The following NCKAP5 variants were observed in gnomAD, a reference collection of about 807,000 sequenced individuals.
NCKAP5 encodes the protein nck-associated protein 5.
Under a neutral mutation model 167.0 loss-of-function variants are expected in NCKAP5, and 92 were observed. The observed-to-expected ratio is 0.55, with a 90% CI of 0.47 to 0.66. NCKAP5 has a LOEUF of 0.66. Among genes scored for constraint, NCKAP5 ranks in the 30% least tolerant of loss-of-function variants. NCKAP5 has a pLI of 0.00. For missense variants in NCKAP5, 2,378 were observed against 2,315.0 expected, an observed-to-expected ratio of 1.03 and a Z score of -0.56; for synonymous variants, 891 against 877.4, an observed-to-expected ratio of 1.02 and a Z score of -0.27.
chr2:132,798,628 G>A (rs764062218), intron 11 of NCKAP5, among the ~76,000 whole-genome samples: 4 of 152,138 alleles, frequency 2.6e-5, no homozygotes, highest in Admixed American at 6.6e-5. Context: ...ATGAATATAT[G>A]CATCTAAAAA....
intron 3 of NCKAP5, among the ~76,000 whole-genome samples, chr2:133,368,632 C>T (rs1025871948): frequency 2.0e-5 from 3 of 152,210 alleles, no homozygotes; most frequent in African/African-American, 7.2e-5. Flanking sequence ...TGCATCCTCT[C>T]CATTTCTCCA....
At chr2:133,254,941 A>C (rs182719848) in intron 4 of NCKAP5, among the ~76,000 whole-genome samples, 1 of 152,208 alleles carries the variant, frequency 6.6e-6, no homozygotes, top group East Asian at 1.9e-4. Context: ...ACAGTGAAAA[A>C]AGAGCTTTCA....
intron 16 of NCKAP5, among the ~76,000 whole-genome samples, chr2:132,771,348 TA>T (rs1682031254): frequency 6.6e-6 from 1 of 152,168 alleles, no homozygotes; most frequent in Admixed American, 6.5e-5. Context: ...TCTTACAGAA[TA>T]AGGATATAAA....
chr2:133,547,498 G>A (rs567349009), intron 2 of NCKAP5, among the ~76,000 whole-genome samples: 1 of 152,158 alleles, frequency 6.6e-6, no homozygotes, highest in Non-Finnish European at 1.5e-5. Context: ...TTTGAAGAGA[G>A]CAGTGGTTCT....
At chr2:133,379,241 G>A (rs922996476) in intron 3 of NCKAP5, among the ~76,000 whole-genome samples, 3 of 152,074 alleles carry the variant, frequency 2.0e-5, no homozygotes, top group Non-Finnish European at 4.4e-5. Context: ...AATTAATAAA[G>A]CTCACCTCAT....
intron 2 of NCKAP5, among the ~76,000 whole-genome samples, chr2:133,557,835 G>A (rs1687851868): frequency 6.6e-6 from 1 of 152,184 alleles, no homozygotes; most frequent in South Asian, 2.1e-4. Context: ...CACTGCCAGG[G>A]TCCCCAGGCT....
rs114839379 is a variant in NCKAP5 at position 133,107,364 on chromosome 2, G to T, written c.341+22614C>A. On this transcript the variant is annotated intron_variant, in intron 6 of 19. Transcript: ENST00000409261. ...TGCATAAAAGCTGTATTACTGTAAAGTTGTAAGACTTAGTAAAATTCACAT... is the reference window on the plus strand; with the variant it reads ...TGCATAAAAGCTGTATTACTGTAAATTTGTAAGACTTAGTAAAATTCACAT... 5.8e-3 allele frequency among the ~76,000 whole-genome samples: 887 copies of T among 152,292 alleles called. 2 individuals are homozygous for T. The highest frequency in any genetic ancestry group is 0.02 in the African/African-American group (838 of 41,550).
At chr2:133,619,237 A>G in the NCKAP5 span, among the ~76,000 whole-genome samples, 1 of 149,678 alleles carries the variant, frequency 6.7e-6, no homozygotes, top group Non-Finnish European at 1.5e-5. Context: ...GCGCACCAGC[A>G]TGGTACATGT....
At chr2:133,470,400 A>G (rs1692967994) in intron 3 of NCKAP5, among the ~76,000 whole-genome samples, 2 of 152,202 alleles carry the variant, frequency 1.3e-5, no homozygotes, top group Non-Finnish European at 2.9e-5. Flanking sequence ...TGGGAGAACC[A>G]CTGCTCTCTT....
intron 5 of NCKAP5, among the ~76,000 whole-genome samples, chr2:133,211,981 C>A (rs1277132753): frequency 6.6e-6 from 1 of 152,202 alleles, no homozygotes; most frequent in African/African-American, 2.4e-5. Flanking sequence ...AAAGTTCATT[C>A]TTTCAAGGCC....
intron 4 of NCKAP5, among the ~76,000 whole-genome samples, chr2:133,221,473 A>G (rs2086661245): frequency 1.3e-5 from 2 of 152,260 alleles, no homozygotes; most frequent in African/African-American, 4.8e-5. Flanking sequence ...CATTCAGCAA[A>G]CACTTAATGT....
chr2:133,161,862 G>C (rs1162170666), intron 5 of NCKAP5, among the ~76,000 whole-genome samples: 2 of 152,190 alleles, frequency 1.3e-5, no homozygotes, highest in Non-Finnish European at 2.9e-5. Flanking sequence ...TGTCCACAAA[G>C]ACATCTTCTC....
At chr2:132,686,203 T>C (rs1412266017) in intron 19 of NCKAP5, among the ~76,000 whole-genome samples, 1 of 152,210 alleles carries the variant, frequency 6.6e-6, no homozygotes, top group Non-Finnish European at 1.5e-5. Context: ...CAGATAGTTA[T>C]CAAGCACATT....
chr2:133,235,921 G>A (rs1436666016), intron 4 of NCKAP5, among the ~76,000 whole-genome samples: 2 of 146,290 alleles, frequency 1.4e-5, no homozygotes, highest in Non-Finnish European at 3.0e-5. Context: ...AAAAAAAAAT[G>A]CAAAAAAATG....
chr2:133,347,562 A>G (rs1684063140), intron 3 of NCKAP5, among the ~76,000 whole-genome samples: 1 of 150,376 alleles, frequency 6.6e-6, no homozygotes, highest in African/African-American at 2.4e-5. Flanking sequence ...TCAAAAAAAT[A>G]AAATAAATTA....
chr2:133,546,515 C>T (rs929709115), intron 2 of NCKAP5, among the ~76,000 whole-genome samples: 3 of 152,042 alleles, frequency 2.0e-5, no homozygotes, highest in African/African-American at 7.2e-5. Flanking sequence ...GGATATCACG[C>T]GATGTGTGCT....
intron 3 of NCKAP5, among the ~76,000 whole-genome samples, chr2:133,331,498 C>T (rs947799836): frequency 6.6e-6 from 1 of 152,190 alleles, no homozygotes; most frequent in South Asian, 2.1e-4. Context: ...GTCCCTCTCC[C>T]GTTGTTCCCG....
At chr2:133,467,387 T>G (rs1692683474) in intron 3 of NCKAP5, among the ~76,000 whole-genome samples, 1 of 152,228 alleles carries the variant, frequency 6.6e-6, no homozygotes, top group Non-Finnish European at 1.5e-5. Context: ...ATAAGCTTTT[T>G]GATGTGCAGC....
At chr2:132,725,846 T>G in intron 18 of NCKAP5, 87 bp from the exon 19 acceptor site, 3 of 1,370,500 alleles carry the variant, frequency 2.2e-6, no homozygotes, top group Non-Finnish European at 3.0e-6. Context: ...ACAGTTCACA[T>G]CTGGCTGTCA....
Sources: allele counts gnomAD v4.1 joint callset (sites outside exome capture counted in the v4.1 genomes callset), GRCh38; gene constraint gnomAD v4.1.1; transcripts MANE v1.5; gene names NCBI Gene and HGNC (gene_info 2026-07-23, HGNC 2026-07-21).